The following PM20D1 variants were observed in gnomAD, a reference collection of about 807,000 sequenced individuals.
The protein encoded by PM20D1 is N-fatty-acyl-amino acid synthase/hydrolase PM20D1.
In PM20D1, 53 loss-of-function variants were observed where a neutral mutation model predicts 53.8. The ratio of observed to expected loss-of-function variants is 0.98; its 90% confidence interval spans 0.79 to 1.24. PM20D1 has a LOEUF of 1.24. Among genes scored for constraint, PM20D1 ranks in the 50% most tolerant of loss-of-function variants. The probability of loss-of-function intolerance (pLI) is 0.00; values close to 1 mark genes in which losing one functional copy is unlikely to be tolerated. For missense variants in PM20D1, 564 were observed against 616.8 expected, an observed-to-expected ratio of 0.91 and a Z score of 0.91; for synonymous variants, 239 against 241.3, an observed-to-expected ratio of 0.99 and a Z score of 0.09.
In PM20D1 at chr1:205,842,762, AAC is replaced by A. The variant is rs761334726; in HGVS notation, c.828-13_828-12del. ...GGTGTCTGCTCCAATCTGGAAGAGA[AAC>A]AGAGTCCTCAAGACTTAGCGAACCC... is the stretch of plus-strand genomic sequence containing the variant. On this transcript the variant is annotated splice_polypyrimidine_tract_variant and intron_variant, in intron 6 of 12. Coordinates refer to ENST00000367136, the MANE Select transcript of PM20D1 (RefSeq NM_152491.5). 2 of 1,613,572 alleles carry A rather than the reference AAC, an allele frequency of 1.2e-6. No homozygotes were observed. The highest frequency in any genetic ancestry group is 4.5e-5 in the East Asian group (2 of 44,880).
At chr1:205,842,822 A>G (rs961469374) in intron 6 of PM20D1, 71 bp from the exon 7 acceptor site, 54 of 1,429,786 alleles carry the variant, frequency 3.8e-5, no homozygotes, top group Middle Eastern at 3.5e-4. Context: ...AGAGGAGAAG[A>G]AGGGAGATAG....
At chr1:205,829,437 A>G (rs1235645101) in intron 12 of PM20D1, among the ~76,000 whole-genome samples, 1 of 152,156 alleles carries the variant, frequency 6.6e-6, no homozygotes, top group Non-Finnish European at 1.5e-5. Context: ...AGGGTAGGGA[A>G]GGCAACTGCC....
intron 10 of PM20D1, 130 bp downstream of exon 10, chr1:205,840,122 T>C: frequency 1.5e-6 from 1 of 682,400 alleles, no homozygotes; most frequent in Non-Finnish European, 2.3e-6. Flanking sequence ...GTGCATAGGT[T>C]GTCTTTGAAA....
At chr1:205,830,236 G>T in intron 12 of PM20D1, 44 bp downstream of exon 12, 1 of 1,381,396 alleles carries the variant, frequency 7.2e-7, no homozygotes, top group Non-Finnish European at 1.0e-6. Context: ...CACATCAAGT[G>T]TATTTCTTTT....
At position 205,843,185 on chromosome 1, in the gene PM20D1, C is replaced by T. The variant is rs12760546; in HGVS notation, c.828-434G>A. On this transcript the variant is annotated intron_variant, in intron 6 of 12. Transcript: ENST00000367136. ...ATTTATTTTTGTCCTCCTGCCAGGA[C>T]AGGTGGAGAATTTCGACAGCTCTAC... Among the ~76,000 whole-genome samples the T allele has an allele frequency of 2.7e-3, 411 of 152,342 alleles. 1 individual carries two copies. Among genetic ancestry groups the T allele is most frequent in the Middle Eastern group, 0.024 (7 of 294 alleles).
chr1:205,842,834 AG>A, intron 6 of PM20D1, 83 bp from the exon 7 acceptor site: 2 of 1,312,956 alleles, frequency 1.5e-6, no homozygotes, highest in Non-Finnish European at 2.2e-6. Context: ...GGGAGATAGG[AG>A]GAAGTTTCAA....
At chr1:205,834,172 T>C (rs1184507080) in intron 10 of PM20D1, among the ~76,000 whole-genome samples, 1 of 150,002 alleles carries the variant, frequency 6.7e-6, no homozygotes, top group Non-Finnish European at 1.5e-5. Context: ...TTTTTTTTTT[T>C]TGAGACAGAA....
intron 12 of PM20D1, chr1:205,830,068 G>A (rs534644910): frequency 6.3e-6 from 3 of 473,160 alleles, no homozygotes; most frequent in South Asian, 3.3e-5. Context: ...CTTTGTAAAA[G>A]AGGGGCCAAT....
chr1:205,838,875 A>G (rs1395147136), intron 10 of PM20D1, among the ~76,000 whole-genome samples: 1 of 152,058 alleles, frequency 6.6e-6, no homozygotes, highest in African/African-American at 2.4e-5. Flanking sequence ...ACCACATCCT[A>G]TTGAACCCAC....
Position 205,842,666 on chromosome 1 carries a change from C to G in PM20D1, c.903+10G>C. 1 of 1,612,438 alleles carries G rather than the reference C, an allele frequency of 6.2e-7. No individual in the cohort carries two copies. The highest frequency in any genetic ancestry group is 1.7e-5 in the Admixed American group (1 of 60,002). On this transcript the variant is annotated intron_variant, in intron 7 of 12. Transcript: ENST00000367136. ...AGCTGATTAGGAGTATGTGATACTT[C>G]TTCCCATACCTCATTTGCCAGTTGC...
At chr1:205,831,047 C>T (rs934419272) in intron 11 of PM20D1, among the ~76,000 whole-genome samples, 1 of 152,168 alleles carries the variant, frequency 6.6e-6, no homozygotes, top group Non-Finnish European at 1.5e-5. Flanking sequence ...TTATTCTCAT[C>T]CTCTGAAGTC....
At chr1:205,840,156 A>G in intron 10 of PM20D1, 96 bp downstream of exon 10, 2 of 1,021,780 alleles carry the variant, frequency 2.0e-6, no homozygotes, top group Non-Finnish European at 2.8e-6. Flanking sequence ...TAAATGGGAC[A>G]CTGGACCAGC....
rs1408330500 is a variant in PM20D1, at chr1:205,830,290, C to T, written c.1375G>A (p.Asp459Asn). 6.2e-7 allele frequency: 1 copy of T among 1,601,694 alleles called. No individual in the cohort carries two copies. Among genetic ancestry groups the T allele is most frequent in the Admixed American group, 1.7e-5 (1 of 59,982 alleles). ...ACCTGTTCCACTCACCGTTTGAAGTCTTCAGGCTGTATGTAGATGGGGTAG... is the reference window on the plus strand; with the variant it reads ...ACCTGTTCCACTCACCGTTTGAAGTTTTCAGGCTGTATGTAGATGGGGTAG... Reference protein sequence around the residue: ...RFYPIYIQPEDFKRIHGVNEK... With the variant: ...RFYPIYIQPENFKRIHGVNEK... Residue 459 changes from aspartate (D) to asparagine (N), a missense_variant, in exon 12 of 13, where the codon GAC (aspartate) becomes AAC (asparagine). Transcript: ENST00000367136.
At chr1:205,831,729 A>G (rs1468467037) in intron 11 of PM20D1, among the ~76,000 whole-genome samples, 1 of 151,864 alleles carries the variant, frequency 6.6e-6, no homozygotes, top group African/African-American at 2.4e-5. Flanking sequence ...ACGCCCAGCT[A>G]ATTTTTGTAT....
intron 4 of PM20D1, 51 bp downstream of exon 4, chr1:205,844,760 C>T: frequency 6.4e-7 from 1 of 1,553,850 alleles, no homozygotes; most frequent in Non-Finnish European, 8.9e-7. Flanking sequence ...AGCACCCACT[C>T]CCCTACCCTC....
chr1:205,849,654 G>A (rs1273575807), intron 1 of PM20D1, among the ~76,000 whole-genome samples: 1 of 152,104 alleles, frequency 6.6e-6, no homozygotes, highest in Non-Finnish European at 1.5e-5. Context: ...CACGCCAAGA[G>A]GGGTGAAGTT....
chr1:205,842,021 T>C (rs1182005311), intron 8 of PM20D1, 132 bp from the exon 9 acceptor site: 4 of 1,192,562 alleles, frequency 3.4e-6, no homozygotes, highest in Non-Finnish European at 4.9e-6. Context: ...ATGTCTTAAA[T>C]ATACACACTT....
chr1:205,845,057 T>C (rs1264858275), intron 3 of PM20D1, among the ~76,000 whole-genome samples, 160 bp from the exon 4 acceptor site: 1 of 152,170 alleles, frequency 6.6e-6, no homozygotes, highest in Non-Finnish European at 1.5e-5. Flanking sequence ...GGGGACCTGA[T>C]GCGGAGAAAC....
At chr1:205,847,006 CTTTT>C (rs778538865) in intron 2 of PM20D1, among the ~76,000 whole-genome samples, 5 of 44,664 alleles carry the variant, frequency 1.1e-4, no homozygotes, top group Admixed American at 7.9e-4. Flanking sequence ...TCCTTCCTTT[CTTTT>C]TTTTTTTTTT....
Sources: allele counts gnomAD v4.1 joint callset (sites outside exome capture counted in the v4.1 genomes callset), GRCh38; gene constraint gnomAD v4.1.1; transcripts MANE v1.5; gene names NCBI Gene and HGNC (gene_info 2026-07-23, HGNC 2026-07-21).